Variants in EPHB1 observed in about 807,000 individuals in gnomAD.
EPHB1 encodes ephrin type-B receptor 1.
A neutral mutation model predicts 94.4 loss-of-function variants in EPHB1; 30 were observed. That is an observed-to-expected ratio of 0.32 (90% CI 0.24 to 0.43). The LOEUF is 0.43. Ranked by LOEUF, EPHB1 falls within the 20% of genes least tolerant of loss-of-function variation. The probability of loss-of-function intolerance (pLI) is 1.00; values close to 1 mark genes in which losing one functional copy is unlikely to be tolerated. For missense variants in EPHB1, 1,055 were observed against 1,308.3 expected, an observed-to-expected ratio of 0.81 and a Z score of 2.99; for synonymous variants, 522 against 489.1, an observed-to-expected ratio of 1.07 and a Z score of -0.89.
At chr3:134,991,722 A>G (rs1934807553) in intron 3 of EPHB1, among the ~76,000 whole-genome samples, 1 of 151,896 alleles carries the variant, frequency 6.6e-6, no homozygotes. Context: ...TTTTCTTTCA[A>G]CTTGAGGCCT....
At chr3:135,056,505 G>C (rs1937355595) in intron 3 of EPHB1, among the ~76,000 whole-genome samples, 1 of 152,268 alleles carries the variant, frequency 6.6e-6, no homozygotes, top group South Asian at 2.1e-4. Context: ...TGAAGCAACA[G>C]ATTCCCTAGA....
chr3:134,998,610 A>G (rs939043550), intron 3 of EPHB1, among the ~76,000 whole-genome samples: 1 of 152,228 alleles, frequency 6.6e-6, no homozygotes, highest in African/African-American at 2.4e-5. Context: ...TTTTTCTGAC[A>G]CTATAATAAA....
intron 10 of EPHB1, among the ~76,000 whole-genome samples, chr3:135,183,071 T>G (rs1025129136): frequency 1.4e-5 from 2 of 145,974 alleles, no homozygotes; most frequent in African/African-American, 5.1e-5. Flanking sequence ...TCTTTCTTTC[T>G]TTCTTTCTCT....
At chr3:135,201,331 G>A (rs1942749384) in intron 11 of EPHB1, 143 bp from the exon 12 acceptor site, 9 of 750,168 alleles carry the variant, frequency 1.2e-5, no homozygotes, top group African/African-American at 1.0e-4. Flanking sequence ...AATGGGGGAT[G>A]GGAGTGGGAA....
chr3:135,134,931 A>G (rs775145352), intron 5 of EPHB1, among the ~76,000 whole-genome samples: 9 of 152,016 alleles, frequency 5.9e-5, no homozygotes, highest in Non-Finnish European at 1.0e-4. Flanking sequence ...GAACCTGCCC[A>G]TCTGCTTGTC....
At chr3:134,900,957 C>T (rs1224994092) in intron 1 of EPHB1, among the ~76,000 whole-genome samples, 1 of 152,016 alleles carries the variant, frequency 6.6e-6, no homozygotes, top group African/African-American at 2.4e-5. Context: ...TTGTTAGTTG[C>T]AAATGTGGTG....
chr3:135,027,033 A>G (rs1240278061), intron 3 of EPHB1, among the ~76,000 whole-genome samples: 3 of 138,072 alleles, frequency 2.2e-5, no homozygotes, highest in African/African-American at 8.2e-5. Flanking sequence ...GTTGGTGTAT[A>G]GGAATGCTTG....
chr3:135,135,900 A>G (rs533389638), intron 5 of EPHB1, among the ~76,000 whole-genome samples: 2 of 152,362 alleles, frequency 1.3e-5, no homozygotes, highest in South Asian at 4.1e-4. Context: ...TAATTATTAT[A>G]GTTAACACCT....
At chr3:135,054,167 G>A (rs1937280732) in intron 3 of EPHB1, among the ~76,000 whole-genome samples, 1 of 151,806 alleles carries the variant, frequency 6.6e-6, no homozygotes, top group Non-Finnish European at 1.5e-5. Context: ...TAATGTAGAT[G>A]GGCCTCATCC....
intron 12 of EPHB1, among the ~76,000 whole-genome samples, chr3:135,208,746 G>A (rs746771445): frequency 7.9e-5 from 12 of 152,160 alleles, no homozygotes; most frequent in East Asian, 3.8e-4. Context: ...AGTGTGAACC[G>A]GTGGTTTTAA....
intron 3 of EPHB1, among the ~76,000 whole-genome samples, chr3:135,101,676 C>A (rs982262797): frequency 6.6e-6 from 1 of 152,192 alleles, no homozygotes; most frequent in Admixed American, 6.5e-5. Flanking sequence ...GCCACCACGC[C>A]TGGCCTGAAG....
intron 12 of EPHB1, among the ~76,000 whole-genome samples, chr3:135,236,414 C>A (rs1430508077): frequency 6.6e-6 from 1 of 151,990 alleles, no homozygotes; most frequent in Non-Finnish European, 1.5e-5. Flanking sequence ...GGCCCTGTTT[C>A]CAAAGAAGAT....
chr3:134,952,158 G>A (rs1933058838), intron 3 of EPHB1, 106 bp downstream of exon 3: 1 of 1,230,574 alleles, frequency 8.1e-7, no homozygotes. Context: ...ATAGTCTAAT[G>A]GCTTATTATA....
At chr3:134,994,206 G>T (rs999907567) in intron 3 of EPHB1, among the ~76,000 whole-genome samples, 2 of 152,190 alleles carry the variant, frequency 1.3e-5, no homozygotes, top group Non-Finnish European at 2.9e-5. Flanking sequence ...AAGCCATCAT[G>T]CTGCGTCTGA....
chr3:134,890,773 G>A (rs1392332457), intron 1 of EPHB1, among the ~76,000 whole-genome samples: 1 of 152,118 alleles, frequency 6.6e-6, no homozygotes, highest in Admixed American at 6.5e-5. Context: ...CCAAAAACAT[G>A]GACCTTATCT....
chr3:135,250,564 T>C (rs34206167), intron 15 of EPHB1, among the ~76,000 whole-genome samples: 2 of 151,858 alleles, frequency 1.3e-5, no homozygotes, highest in African/African-American at 4.8e-5. Flanking sequence ...AGCATAAGGG[T>C]TTTTTAAAGC....
At chr3:134,975,680 G>T (rs570082222) in intron 3 of EPHB1, among the ~76,000 whole-genome samples, 1 of 152,144 alleles carries the variant, frequency 6.6e-6, no homozygotes, top group South Asian at 2.1e-4. Context: ...TCACTTTATG[G>T]ATAAGGAGTC....
At chr3:134,798,143 G>T (rs534737685) in intron 1 of EPHB1, among the ~76,000 whole-genome samples, 2 of 152,082 alleles carry the variant, frequency 1.3e-5, no homozygotes, top group East Asian at 3.9e-4. Context: ...ACTCTCATGT[G>T]TCTGTCTGCT....
At chr3:134,879,774 G>T (rs954849681) in intron 1 of EPHB1, among the ~76,000 whole-genome samples, 1 of 152,018 alleles carries the variant, frequency 6.6e-6, no homozygotes, top group African/African-American at 2.4e-5. Flanking sequence ...GTTGCAGAAA[G>T]GTTTATATCA....
Sources: allele counts gnomAD v4.1 joint callset (sites outside exome capture counted in the v4.1 genomes callset), GRCh38; gene constraint gnomAD v4.1.1; transcripts MANE v1.5; gene names NCBI Gene and HGNC (gene_info 2026-07-23, HGNC 2026-07-21).